The following XKR9 variants were observed in gnomAD, a reference collection of about 807,000 sequenced individuals.
The protein encoded by XKR9 is XK related 9.
A neutral mutation model predicts 32.0 loss-of-function variants in XKR9; 32 were observed. That is an observed-to-expected ratio of 1.00 (90% CI 0.76 to 1.34). The LOEUF (loss-of-function observed/expected upper bound fraction) is 1.34, where lower values mean the gene tolerates loss of function less well. XKR9 is among the 40% of genes most tolerant of loss of function. XKR9 has a pLI of 0.00. For missense variants in XKR9, 546 were observed against 429.7 expected (o/e 1.27, Z -2.39); for synonymous variants, 168 against 143.4 (o/e 1.17, Z -1.22).
chr8:70,852,554 T>A, the XKR9 span, among the ~76,000 whole-genome samples: 353 of 152,340 alleles, frequency 2.3e-3, 1 homozygote, highest in Non-Finnish European at 3.8e-3. Flanking sequence ...CACATGTGTG[T>A]TTATTGCAGC....
At chr8:70,748,012 G>A (rs1017986699) in intron 2 of XKR9, among the ~76,000 whole-genome samples, 4 of 152,184 alleles carry the variant, frequency 2.6e-5, no homozygotes, top group Non-Finnish European at 5.9e-5. Context: ...CTTTCACCAA[G>A]ATAGTATTTT....
At chr8:70,973,370 G>A in the XKR9 span, among the ~76,000 whole-genome samples, 3 of 151,778 alleles carry the variant, frequency 2.0e-5, no homozygotes, top group African/African-American at 7.3e-5. Flanking sequence ...CATTAATCTT[G>A]CTAGTGCTCT....
In XKR9 at chr8:70,727,181, C is replaced by G. The variant is rs144738347; in HGVS notation, c.494-6615C>G. ...TTAAGTTTATATTTTTTGTTTTTAT[C>G]TTTTAGTTCCATTTTCCATGAACTT... On this transcript the variant is annotated intron_variant, in intron 4 of 4. Coordinates refer to ENST00000408926, the MANE Select transcript of XKR9 (RefSeq NM_001011720.2). Among the ~76,000 whole-genome samples the G allele has an allele frequency of 2.0e-3, 309 of 152,024 alleles. 2 individuals are homozygous for G. The highest frequency in any genetic ancestry group is 7.3e-3 in the African/African-American group (301 of 41,466).
intron 3 of XKR9, among the ~76,000 whole-genome samples, chr8:70,702,092 T>G (rs979046686): frequency 1.3e-4 from 20 of 152,182 alleles, no homozygotes; most frequent in Non-Finnish European, 2.1e-4. Flanking sequence ...AAATGGGCAT[T>G]AAATAGTTGA....
At position 70,707,177 on chromosome 8, in the gene XKR9, G is replaced by T. The variant is rs1416070095; in HGVS notation, c.493+24G>T. The T allele has an allele frequency of 2.5e-6, 4 of 1,590,454 alleles. 1 individual carries two copies. In the South Asian group the frequency reaches 4.4e-5, roughly 18 times the overall value. On this transcript the variant is annotated intron_variant, in intron 4 of 4. Transcript: ENST00000408926. ...GTGTAAGTTTTTCTTAACTCCTTGT[G>T]TTAAATGGATGCCACTGAGACCTTA...
At chr8:70,739,831 A>G (rs1309706715), downstream of XKR9, among the ~76,000 whole-genome samples, 2 of 152,176 alleles carry the variant, frequency 1.3e-5, no homozygotes, top group South Asian at 2.1e-4. Context: ...TTCTGCCGAG[A>G]GATCCGCCGT....
the XKR9 span, among the ~76,000 whole-genome samples, chr8:70,830,135 TG>T: frequency 6.6e-6 from 1 of 152,220 alleles, no homozygotes; most frequent in South Asian, 2.1e-4. Context: ...TTAAATTTGT[TG>T]GTCTGTTTTC....
At chr8:70,926,747 T>G in the XKR9 span, among the ~76,000 whole-genome samples, 6 of 152,270 alleles carry the variant, frequency 3.9e-5, no homozygotes, top group Non-Finnish European at 8.8e-5. Flanking sequence ...TACCAACTTG[T>G]GAAAATAGAG....
intron 3 of XKR9, among the ~76,000 whole-genome samples, chr8:70,702,067 C>G (rs1250872110): frequency 6.6e-6 from 1 of 152,074 alleles, no homozygotes; most frequent in Non-Finnish European, 1.5e-5. Flanking sequence ...GATTCTTAGG[C>G]CCTTGTATGG....
At chr8:70,876,636 T>A in the XKR9 span, among the ~76,000 whole-genome samples, 1 of 152,168 alleles carries the variant, frequency 6.6e-6, no homozygotes, top group Non-Finnish European at 1.5e-5. Context: ...TTCAGAAGAC[T>A]GAAATTTTCA....
chr8:71,008,850 G>A, the XKR9 span, among the ~76,000 whole-genome samples: 1 of 151,082 alleles, frequency 6.6e-6, no homozygotes, highest in African/African-American at 2.5e-5. Context: ...TAAATTTTTT[G>A]TAGTGACTGG....
chr8:70,799,631 C>T, the XKR9 span, among the ~76,000 whole-genome samples: 10 of 152,008 alleles, frequency 6.6e-5, no homozygotes, highest in African/African-American at 9.6e-5. Flanking sequence ...TGTGCGAGGC[C>T]GAGATTGTAT....
intron 2 of XKR9, among the ~76,000 whole-genome samples, chr8:70,786,639 T>C (rs1807692315): frequency 6.6e-6 from 1 of 152,180 alleles, no homozygotes; most frequent in African/African-American, 2.4e-5. Flanking sequence ...CTTACATTTC[T>C]TCACTTTCAG....
the XKR9 span, among the ~76,000 whole-genome samples, chr8:70,952,312 C>G: frequency 4.1e-4 from 62 of 152,298 alleles, no homozygotes; most frequent in African/African-American, 1.5e-3. Flanking sequence ...GGAAGTATCA[C>G]TATCATTTCC....
chr8:70,895,821 CAAA>C, the XKR9 span, among the ~76,000 whole-genome samples: 1 of 63,802 alleles, frequency 1.6e-5, no homozygotes, highest in Non-Finnish European at 3.3e-5. Context: ...CCTACCTCTA[CAAA>C]AAAAAAAAAA....
chr8:70,839,538 G>A, the XKR9 span, among the ~76,000 whole-genome samples: 1 of 152,114 alleles, frequency 6.6e-6, no homozygotes, highest in South Asian at 2.1e-4. Flanking sequence ...TAAACACGAG[G>A]ACAATTTTTT....
intron 4 of XKR9, among the ~76,000 whole-genome samples, chr8:70,708,782 G>A (rs946040365): frequency 1.3e-5 from 2 of 151,716 alleles, no homozygotes; most frequent in African/African-American, 4.8e-5. Flanking sequence ...TATGTTATAC[G>A]AGTTCTGAGA....
chr8:71,023,363 T>C, the XKR9 span, among the ~76,000 whole-genome samples: 3 of 152,354 alleles, frequency 2.0e-5, no homozygotes, highest in South Asian at 2.1e-4. Flanking sequence ...TCTGCTTTCT[T>C]TGGCTATAAA....
chr8:71,016,842 T>G, the XKR9 span, among the ~76,000 whole-genome samples: 2 of 152,138 alleles, frequency 1.3e-5, no homozygotes, highest in Non-Finnish European at 2.9e-5. Context: ...ATGCTCTTTT[T>G]TTTTTTCTAG....
Sources: gnomAD v4.1 joint callset for allele counts (sites outside exome capture counted in the v4.1 genomes callset) on GRCh38, gnomAD v4.1.1 for gene constraint, MANE v1.5 for transcripts, NCBI Gene and HGNC (gene_info 2026-07-23, HGNC 2026-07-21) for gene names.